Variants in TTC6 observed in about 807,000 individuals in gnomAD.
TTC6 encodes tetratricopeptide repeat protein 6.
A neutral mutation model predicts 210.4 loss-of-function variants in TTC6; 172 were observed. That is an observed-to-expected ratio of 0.82 (90% CI 0.72 to 0.93). The LOEUF is 0.93. Among genes scored for constraint, TTC6 ranks in the 40% least tolerant of loss-of-function variants. The probability of loss-of-function intolerance (pLI) is 0.00; values close to 1 mark genes in which losing one functional copy is unlikely to be tolerated. For synonymous variants in TTC6, 804 were observed against 819.6 expected (o/e 0.98, Z 0.32); for missense variants, 2,414 against 2,318.1 (o/e 1.04, Z -0.85).
chr14:37,597,171 A>G (rs915277724), intron 1 of TTC6, among the ~76,000 whole-genome samples: 2 of 152,154 alleles, frequency 1.3e-5, no homozygotes, highest in African/African-American at 2.4e-5. Context: ...GTGTAAATGT[A>G]TCTGCGAATT....
chr14:37,837,184 A>C (rs1436491390), intron 29 of TTC6: 1 of 219,598 alleles, frequency 4.6e-6, no homozygotes, highest in South Asian at 5.2e-5. Flanking sequence ...AGAAAGTTAC[A>C]CAGTTCAAAG....
At chr14:37,648,429 A>C (rs919963904) in intron 1 of TTC6, among the ~76,000 whole-genome samples, 2 of 152,200 alleles carry the variant, frequency 1.3e-5, no homozygotes, top group Non-Finnish European at 2.9e-5. Flanking sequence ...AAAATGTTCT[A>C]GGTTACAGTA....
chr14:37,657,363 A>G (rs918048816), intron 1 of TTC6, among the ~76,000 whole-genome samples: 1 of 151,480 alleles, frequency 6.6e-6, no homozygotes, highest in African/African-American at 2.4e-5. Context: ...AAAAAAAAAA[A>G]AAGACCATTT....
At chr14:37,766,569 C>G (rs1244466205) in intron 14 of TTC6, among the ~76,000 whole-genome samples, 1 of 152,128 alleles carries the variant, frequency 6.6e-6, no homozygotes, top group Non-Finnish European at 1.5e-5. Flanking sequence ...GCATAGTGTT[C>G]CATGCTGTAT....
chr14:37,641,245 A>G (rs1171747848), intron 1 of TTC6, among the ~76,000 whole-genome samples: 1 of 152,210 alleles, frequency 6.6e-6, no homozygotes, highest in Non-Finnish European at 1.5e-5. Flanking sequence ...TTTGGTTGCG[A>G]TTGAAGTCAG....
At chr14:37,685,076 G>T (rs2095791234) in intron 3 of TTC6, among the ~76,000 whole-genome samples, 1 of 152,148 alleles carries the variant, frequency 6.6e-6, no homozygotes, top group Non-Finnish European at 1.5e-5. Flanking sequence ...ACGAACAAAA[G>T]AAAGTTAGAT....
intron 29 of TTC6, among the ~76,000 whole-genome samples, chr14:37,831,161 A>G (rs1390086825): frequency 6.6e-6 from 1 of 152,036 alleles, no homozygotes; most frequent in Non-Finnish European, 1.5e-5. Context: ...GCCTCCAAAT[A>G]TGAGCAAGAA....
At chr14:37,725,037 GTTGTTA>G in intron 7 of TTC6, 35 bp downstream of exon 9, 1 of 1,158,792 alleles carries the variant, frequency 8.6e-7, no homozygotes. Flanking sequence ...TATTATTGTT[GTTGTTA>G]TTATTTAATA....
chr14:37,712,728 A>G (rs1219136234), intron 5 of TTC6, among the ~76,000 whole-genome samples: 1 of 152,120 alleles, frequency 6.6e-6, no homozygotes, highest in Non-Finnish European at 1.5e-5. Context: ...ACATCACGAG[A>G]ACAGCACTAT....
chr14:37,700,523 ACT>A, intron 4 of TTC6, among the ~76,000 whole-genome samples: 1 of 152,054 alleles, frequency 6.6e-6, no homozygotes, highest in South Asian at 2.1e-4. Flanking sequence ...CAGGCAGATT[ACT>A]TGAGGTCAGG....
At chr14:37,662,573 T>C (rs969923707) in intron 1 of TTC6, among the ~76,000 whole-genome samples, 2 of 152,190 alleles carry the variant, frequency 1.3e-5, no homozygotes, top group Non-Finnish European at 2.9e-5. Context: ...CTGTCTTGAA[T>C]TGATTTTTGT....
chr14:37,726,313 C>G (rs899969213), intron 7 of TTC6, among the ~76,000 whole-genome samples: 2 of 152,112 alleles, frequency 1.3e-5, no homozygotes, highest in Non-Finnish European at 2.9e-5. Context: ...AAATTCAGTT[C>G]ATGTATGCTG....
chr14:37,759,758 A>G (rs1476999252), intron 14 of TTC6, among the ~76,000 whole-genome samples: 2 of 151,932 alleles, frequency 1.3e-5, no homozygotes, highest in African/African-American at 4.8e-5. Flanking sequence ...TTTATCTTCA[A>G]TGTCTGATAT....
intron 3 of TTC6, 122 bp from the exon 6 acceptor site, chr14:37,696,595 C>G: frequency 2.4e-6 from 1 of 416,656 alleles, no homozygotes; most frequent in Non-Finnish European, 4.1e-6. Context: ...TTTTAGCATT[C>G]TGTTATAACA....
At chr14:37,597,823 C>T (rs998093977) in intron 1 of TTC6, among the ~76,000 whole-genome samples, 1 of 152,116 alleles carries the variant, frequency 6.6e-6, no homozygotes, top group African/African-American at 2.4e-5. Context: ...GCACGCATCC[C>T]AGTCAGGGAT....
intron 14 of TTC6, among the ~76,000 whole-genome samples, chr14:37,765,378 A>T (rs1422103613): frequency 2.6e-5 from 4 of 151,322 alleles, no homozygotes; most frequent in South Asian, 4.2e-4. Flanking sequence ...TTAAAAAAAA[A>T]ATTTGTAACC....
chr14:37,829,320 GT>G (rs2096179403), intron 29 of TTC6, among the ~76,000 whole-genome samples: 1 of 151,598 alleles, frequency 6.6e-6, no homozygotes, highest in Non-Finnish European at 1.5e-5. Flanking sequence ...ATGCAAGTGT[GT>G]TTATGTTAAA....
At chr14:37,834,444 C>T (rs1396628412) in intron 29 of TTC6, among the ~76,000 whole-genome samples, 1 of 151,918 alleles carries the variant, frequency 6.6e-6, no homozygotes, top group Non-Finnish European at 1.5e-5. Flanking sequence ...ATTATTTCTC[C>T]TATTTTACTT....
intron 1 of TTC6, among the ~76,000 whole-genome samples, chr14:37,602,321 A>T (rs1219665115): frequency 6.6e-6 from 1 of 152,240 alleles, no homozygotes; most frequent in Non-Finnish European, 1.5e-5. Context: ...TTTATTCTAC[A>T]TAAGATACAA....
Sources: allele counts gnomAD v4.1 joint callset (sites outside exome capture counted in the v4.1 genomes callset), GRCh38; gene constraint gnomAD v4.1.1; transcripts MANE v1.5; gene names NCBI Gene and HGNC (gene_info 2026-07-23, HGNC 2026-07-21).